HAUS6: variants seen among roughly 807,000 people sequenced by gnomAD.
The protein encoded by HAUS6 is HAUS augmin-like complex subunit 6.
Under a neutral mutation model 106.8 loss-of-function variants are expected in HAUS6, and 80 were observed. The observed-to-expected ratio is 0.75, with a 90% CI of 0.63 to 0.90. The LOEUF is 0.90. Ranked by LOEUF, HAUS6 falls within the 40% of genes least tolerant of loss-of-function variation. HAUS6 has a pLI of 0.00. For synonymous variants in HAUS6, 356 were observed against 379.1 expected (o/e 0.94, Z 0.71); for missense variants, 1,155 against 1,118.1 (o/e 1.03, Z -0.47).
At chr9:19,089,805 C>T (rs1338483593) in intron 4 of HAUS6, 3 of 474,686 alleles carry the variant, frequency 6.3e-6, no homozygotes, top group Non-Finnish European at 1.1e-5. Flanking sequence ...ATACCACAAA[C>T]ATATAACAAC....
At chr9:19,066,089 C>T (rs1338795797) in intron 12 of HAUS6, among the ~76,000 whole-genome samples, 8 of 151,908 alleles carry the variant, frequency 5.3e-5, no homozygotes, top group South Asian at 4.2e-4. Context: ...GTGCCGACCA[C>T]CACACCTGGC....
At chr9:19,067,048 C>T (rs1026118487) in intron 12 of HAUS6, among the ~76,000 whole-genome samples, 11 of 151,144 alleles carry the variant, frequency 7.3e-5, no homozygotes, top group Admixed American at 2.6e-4. Flanking sequence ...GAAAAGACTA[C>T]ATATCTTTTG....
chr9:19,074,914 A>G (rs1836961204), intron 11 of HAUS6, among the ~76,000 whole-genome samples: 1 of 152,222 alleles, frequency 6.6e-6, no homozygotes. Context: ...AAAAATTGTG[A>G]GCTTCCACAA....
rs1465195021 is a variant in HAUS6 at position 19,082,952 on chromosome 9, T to C, written c.791A>G (p.Gln264Arg). 2 of 1,558,772 alleles carry C rather than the reference T, an allele frequency of 1.3e-6. No individual in the cohort carries two copies. The highest frequency in any genetic ancestry group is 2.7e-5 in the African/African-American group (2 of 73,060). Residue 264 changes from glutamine to arginine, a missense_variant, in exon 8 of 17, where the codon CAA becomes CGA. Physicochemically the swap from Gln to Arg is conservative, Grantham distance 43. Around this residue, in one of 3 missense-constraint regions of HAUS6, gnomAD observed 761 missense variants for 690.0 expected, o/e 1.10. Coordinates refer to ENST00000380502, the MANE Select transcript of HAUS6 (RefSeq NM_017645.5). ...AACATTAGTTCCATCTAAAGCATAT[T>C]GGTTAACAAGACTAAGGACCGAACT... ...VVSSVLSLVN[Q>R]YALDGTNVAI...
chr9:19,059,054 T>C (rs1342928995), intron 15 of HAUS6, 53 bp from the exon 16 acceptor site: 1 of 938,652 alleles, frequency 1.1e-6, no homozygotes, highest in Non-Finnish European at 1.7e-6. Flanking sequence ...ACATAGAGCA[T>C]GCAATGAATC....
intron 12 of HAUS6, chr9:19,063,810 A>T: frequency 1.4e-6 from 1 of 697,608 alleles, no homozygotes; most frequent in Non-Finnish European, 2.7e-6. Context: ...TACTTACCAC[A>T]TACTGAGTCA....
intron 1 of HAUS6, among the ~76,000 whole-genome samples, chr9:19,101,134 C>G (rs1817978515): frequency 6.6e-6 from 1 of 152,190 alleles, no homozygotes; most frequent in Non-Finnish European, 1.5e-5. Flanking sequence ...GAGATGATGG[C>G]TATCCCATTT....
intron 11 of HAUS6, among the ~76,000 whole-genome samples, chr9:19,072,819 T>C (rs948627804): frequency 3.3e-5 from 5 of 152,134 alleles, no homozygotes; most frequent in Admixed American, 6.5e-5. Context: ...AATTTAAACA[T>C]AGTAATTGTT....
intron 11 of HAUS6, among the ~76,000 whole-genome samples, chr9:19,073,041 T>A (rs1836912523): frequency 6.6e-6 from 1 of 152,160 alleles, no homozygotes; most frequent in East Asian, 1.9e-4. Flanking sequence ...TACATATTGT[T>A]TATAGGTCTA....
At chr9:19,090,615 G>A (rs1000246637) in intron 4 of HAUS6, among the ~76,000 whole-genome samples, 1 of 152,070 alleles carries the variant, frequency 6.6e-6, no homozygotes, top group Non-Finnish European at 1.5e-5. Context: ...CGCCCGCCCT[G>A]ACCTCCCAAA....
At chr9:19,062,928 A>C (rs1326187328) in intron 14 of HAUS6, 80 bp downstream of exon 14, 16 of 1,068,064 alleles carry the variant, frequency 1.5e-5, no homozygotes, top group Non-Finnish European at 2.2e-5. Flanking sequence ...AACCTCCCCA[A>C]GTGTTGGGAT....
intron 12 of HAUS6, 105 bp from the exon 13 acceptor site, chr9:19,063,685 AT>A: frequency 2.4e-6 from 2 of 829,902 alleles, no homozygotes; most frequent in Non-Finnish European, 4.3e-6. Flanking sequence ...GTCCGTTACG[AT>A]TTCACTCAAT....
rs776302062 is a variant in HAUS6 at position 19,094,304 on chromosome 9, A to G, written c.303+13T>C. ...TCTTAAAGTCTGTATCTTCTAACAA[A>G]AAGAATACTTACAGAAATCCTTTTT... is the stretch of plus-strand genomic sequence containing the variant. On this transcript the variant is annotated intron_variant, in intron 3 of 16. Transcript: ENST00000380502. The G allele has an allele frequency of 1.3e-6, 2 of 1,496,048 alleles. No individual in the cohort carries two copies. Among genetic ancestry groups the G allele is most frequent in the Non-Finnish European group, 1.8e-6 (2 of 1,081,950 alleles). The allele number at this position is 1,496,048 out of a possible 1,614,324, so 92.7% of individuals were successfully genotyped here.
rs558492451 is a variant in HAUS6, at chr9:19,097,319, C to T, written c.129-550G>A. On this transcript the variant is annotated intron_variant, in intron 1 of 16. Transcript: ENST00000380502. ...GCCATCAGAGTGAACAGGCAACCTA[C>T]GGAAAGGGAGAAAATTTTGCAACCT... Among the ~76,000 whole-genome samples the T allele has an allele frequency of 7.4e-4, 112 of 152,174 alleles. 3 individuals are homozygous for T. In the South Asian group the frequency reaches 0.021, roughly 29 times the overall value.
intron 4 of HAUS6, among the ~76,000 whole-genome samples, chr9:19,091,424 C>A (rs1324176727): frequency 2.0e-5 from 3 of 152,132 alleles, no homozygotes; most frequent in Non-Finnish European, 4.4e-5. Flanking sequence ...AGAAATAGGA[C>A]AATCCATGCT....
chr9:19,091,145 A>G (rs1005079479), intron 4 of HAUS6, among the ~76,000 whole-genome samples: 1 of 151,934 alleles, frequency 6.6e-6, no homozygotes, highest in African/African-American at 2.4e-5. Context: ...CTAAAAATAC[A>G]AAAAAATTAG....
In HAUS6 at chr9:19,095,086, C is replaced by T. The variant is rs141562597; in HGVS notation, c.225-691G>A. Among the ~76,000 whole-genome samples the T allele has an allele frequency of 1.1e-3, 169 of 151,300 alleles. 2 individuals carry two copies. The East Asian group carries it at 0.03, about 27-fold the overall frequency. ...TAATCTTGCCAGAGAGAAACATAAACAGATATATATGAAGAAGAGAAAAAA... is the reference window on the plus strand; with the variant it reads ...TAATCTTGCCAGAGAGAAACATAAATAGATATATATGAAGAAGAGAAAAAA... On this transcript the variant is annotated intron_variant, in intron 2 of 16. Transcript: ENST00000380502.
intron 7 of HAUS6, among the ~76,000 whole-genome samples, chr9:19,083,356 C>T (rs564386798): frequency 6.6e-6 from 1 of 152,234 alleles, no homozygotes; most frequent in South Asian, 2.1e-4. Context: ...AATCTTCCCA[C>T]ATCAGCCTCC....
At chr9:19,066,602 C>T (rs1194286859) in intron 12 of HAUS6, among the ~76,000 whole-genome samples, 1 of 151,986 alleles carries the variant, frequency 6.6e-6, no homozygotes, top group African/African-American at 2.4e-5. Context: ...CACAAAAAGC[C>T]ATTGCAAAGA....
Sources: gnomAD v4.1 joint callset for allele counts (sites outside exome capture counted in the v4.1 genomes callset) on GRCh38, gnomAD v4.1.1 for gene constraint, gnomAD v4.1.1 regional missense constraint, MANE v1.5 for transcripts, NCBI Gene and HGNC (gene_info 2026-07-23, HGNC 2026-07-21) for gene names.